REPS2: variants seen among roughly 807,000 people sequenced by gnomAD.
REPS2 encodes the protein ralBP1-associated Eps domain-containing protein 2.
REPS2 carries 23 observed loss-of-function variants against 53.6 expected under a neutral mutation model. That is an observed-to-expected ratio of 0.43 (90% CI 0.31 to 0.61). The LOEUF is 0.61. REPS2 is among the 20% of genes least tolerant of loss of function. The pLI is 0.11. For missense variants in REPS2, 446 were observed against 534.9 expected, an observed-to-expected ratio of 0.83 and a Z score of 1.64; for synonymous variants, 238 against 218.6, an observed-to-expected ratio of 1.09 and a Z score of -0.78.
intron 1 of REPS2, among the ~76,000 whole-genome samples, chrX:16,995,292 C>T (rs762905825): frequency 8.9e-6 from 1 of 111,985 alleles, no homozygotes; most frequent in South Asian, 3.8e-4. Flanking sequence ...GCATAGTGTG[C>T]CACATAAGAG....
chrX:17,165,049 C>CCACACACACACACATA, the REPS2 span, among the ~76,000 whole-genome samples: 1 of 107,316 alleles, frequency 9.3e-6, no homozygotes, highest in Non-Finnish European at 1.9e-5. Flanking sequence ...ACCACCACCA[C>CCACACACACACACATA]CACACACACA....
chrX:17,077,709 T>C (rs1451251687), intron 13 of REPS2, among the ~76,000 whole-genome samples: 1 of 112,538 alleles, frequency 8.9e-6, no homozygotes, highest in Non-Finnish European at 1.9e-5. Context: ...GGGGTCTTAC[T>C]CTCTGCATCA....
At chrX:17,169,860 G>A in the REPS2 span, among the ~76,000 whole-genome samples, 6 of 111,292 alleles carry the variant, frequency 5.4e-5, no homozygotes, top group East Asian at 1.7e-3. Flanking sequence ...AAGTGGCAGG[G>A]GTGTGTGTAA....
intron 2 of REPS2, among the ~76,000 whole-genome samples, chrX:17,012,891 G>T (rs1053234852): frequency 9.0e-6 from 1 of 111,381 alleles, no homozygotes; most frequent in Non-Finnish European, 1.9e-5. Flanking sequence ...TTCTTTTTTT[G>T]TTGTTGTTGG....
At chrX:17,135,482 A>G (rs1443285865) in intron 16 of REPS2, 76 bp downstream of exon 16, 9 of 1,049,010 alleles carry the variant, frequency 8.6e-6, no homozygotes, top group Non-Finnish European at 1.2e-5. Flanking sequence ...ATGTGTTGAC[A>G]TTTACGTGCG....
intron 1 of REPS2, among the ~76,000 whole-genome samples, chrX:17,002,412 C>T (rs1180372158): frequency 9.0e-6 from 1 of 111,685 alleles, no homozygotes; most frequent in East Asian, 2.8e-4. Flanking sequence ...TGCCTGTCTG[C>T]CCTCTCTTTA....
chrX:16,983,577 A>G (rs1010572555), intron 1 of REPS2, among the ~76,000 whole-genome samples: 1 of 112,389 alleles, frequency 8.9e-6, no homozygotes, highest in South Asian at 3.7e-4. Context: ...ATCTTGTCTC[A>G]CTGCAACCTC....
chrX:17,020,545 G>A (rs1163214779), intron 2 of REPS2, among the ~76,000 whole-genome samples: 2 of 111,050 alleles, frequency 1.8e-5, no homozygotes, highest in East Asian at 5.6e-4. Context: ...GCCCGAGATT[G>A]GGAAACATTA....
chrX:17,045,004 G>A (rs1008244588), intron 5 of REPS2, among the ~76,000 whole-genome samples: 8 of 111,165 alleles, frequency 7.2e-5, no homozygotes, highest in Non-Finnish European at 1.5e-4. Context: ...ATCTCGGCTC[G>A]CTGCAACGTC....
chrX:17,096,887 C>A (rs1436127407), intron 13 of REPS2, among the ~76,000 whole-genome samples: 1 of 110,672 alleles, frequency 9.0e-6, no homozygotes, highest in African/African-American at 3.3e-5. Flanking sequence ...GAACACAGTA[C>A]AGTTAGAAAG....
chrX:17,012,888 TTTG>T (rs1317130373), intron 2 of REPS2, among the ~76,000 whole-genome samples: 2 of 112,075 alleles, frequency 1.8e-5, no homozygotes, highest in Non-Finnish European at 3.8e-5. Flanking sequence ...CATTTCTTTT[TTTG>T]TTGTTGTTGG....
chrX:17,109,824 T>C (rs1161429295), intron 14 of REPS2, among the ~76,000 whole-genome samples: 1 of 112,577 alleles, frequency 8.9e-6, no homozygotes, highest in African/African-American at 3.2e-5. Flanking sequence ...ATGGCAGTCA[T>C]GCTACTCTTT....
chrX:17,048,625 A>T (rs753659721), intron 6 of REPS2, among the ~76,000 whole-genome samples: 5 of 112,332 alleles, frequency 4.5e-5, no homozygotes, highest in Middle Eastern at 4.6e-3. Flanking sequence ...CAGTTAACAC[A>T]TAAGGTTGTT....
chrX:16,947,946 T>C lies in REPS2; in HGVS notation c.273+812T>C, dbSNP rs112609728. On this transcript the variant is annotated intron_variant, in intron 1 of 17. Coordinates refer to ENST00000357277, the MANE Select transcript of REPS2 (RefSeq NM_004726.3). ...TACATACCAGACGCTGTTTTTGTTT[T>C]GTGCTTTCCTTGGAGCTTGGAGAAA... is the stretch of plus-strand genomic sequence containing the variant. Among the ~76,000 whole-genome samples the C allele has an allele frequency of 5.0e-3, 564 of 112,372 alleles. 3 individuals are homozygous for C. The highest frequency in any genetic ancestry group is 0.017 in the African/African-American group (540 of 30,906).
In REPS2 at chrX:17,131,123, A is replaced by G. The variant is rs1386102375; in HGVS notation, c.1579-2701A>G. On this transcript the variant is annotated intron_variant, in intron 14 of 17. Transcript: ENST00000357277. The stretch of plus-strand genomic sequence containing the variant: ...TGCTTGGGATAAAATGTAGGAACAG[A>G]TGGGATTACCCTGGGAGAGAATGAA... 4.5e-5 allele frequency among the ~76,000 whole-genome samples: 5 copies of G among 111,507 alleles called. No homozygotes were observed. In the East Asian group the frequency reaches 1.4e-3, roughly 32 times the overall value.
At chrX:17,124,094 A>G (rs1251866057) in intron 14 of REPS2, among the ~76,000 whole-genome samples, 5 of 112,505 alleles carry the variant, frequency 4.4e-5, no homozygotes, top group Non-Finnish European at 9.4e-5. Context: ...GCTCAGAGAG[A>G]CTAAGCATGT....
At chrX:17,140,548 AT>A (rs2063428534) in intron 17 of REPS2, among the ~76,000 whole-genome samples, 1 of 110,629 alleles carries the variant, frequency 9.0e-6, no homozygotes, top group Admixed American at 9.7e-5. Flanking sequence ...CTTATTTTTA[AT>A]CACATATCTA....
intron 8 of REPS2, among the ~76,000 whole-genome samples, chrX:17,057,703 C>T (rs1273999687): frequency 2.7e-5 from 3 of 112,647 alleles, no homozygotes; most frequent in East Asian, 2.8e-4. Flanking sequence ...TTCTCTCCCT[C>T]GTCTTGTCTT....
chrX:16,950,124 G>A (rs981043352), intron 1 of REPS2, among the ~76,000 whole-genome samples: 12 of 108,932 alleles, frequency 1.1e-4, no homozygotes, highest in Admixed American at 1.1e-3. Context: ...CATATAGTTG[G>A]AGTCATACAG....
Sources: gnomAD v4.1 joint callset for allele counts (sites outside exome capture counted in the v4.1 genomes callset) on GRCh38, gnomAD v4.1.1 for gene constraint, MANE v1.5 for transcripts, NCBI Gene and HGNC (gene_info 2026-07-23, HGNC 2026-07-21) for gene names.